The following SHROOM2 variants were observed in gnomAD, a reference collection of about 807,000 sequenced individuals.
SHROOM2 encodes the protein shroom family member 2.
In SHROOM2, 33 loss-of-function variants were observed where a neutral mutation model predicts 75.9. That is an observed-to-expected ratio of 0.43 (90% CI 0.33 to 0.58). The LOEUF is 0.58. Ranked by LOEUF, SHROOM2 falls within the 20% of genes least tolerant of loss-of-function variation. SHROOM2 has a pLI of 0.04. For missense variants in SHROOM2, 1,434 were observed against 1,461.2 expected (o/e 0.98, Z 0.30); for synonymous variants, 655 against 663.6 (o/e 0.99, Z 0.20).
intron 6 of SHROOM2, among the ~76,000 whole-genome samples, chrX:9,935,760 C>G (rs1488905041): frequency 8.9e-6 from 1 of 111,878 alleles, no homozygotes; most frequent in East Asian, 2.8e-4. Flanking sequence ...GGCTGCCCTC[C>G]TGCTGTGGAA....
intron 1 of SHROOM2, among the ~76,000 whole-genome samples, chrX:9,850,478 C>T (rs766899160): frequency 6.3e-5 from 7 of 111,218 alleles, no homozygotes; most frequent in East Asian, 5.7e-4. Context: ...AGTTGTACAG[C>T]GGGCCAGCAT....
intron 1 of SHROOM2, chrX:9,819,299 A>C (rs2083839389): frequency 3.5e-6 from 2 of 568,024 alleles, no homozygotes; most frequent in East Asian, 6.6e-5. Context: ...AATGTATCCC[A>C]CCAAAATACT....
chrX:9,930,015 A>T (rs145712946), intron 5 of SHROOM2, among the ~76,000 whole-genome samples: 1 of 111,232 alleles, frequency 9.0e-6, no homozygotes, highest in Non-Finnish European at 1.9e-5. Flanking sequence ...GCCATGTGGA[A>T]CTCTAAGTCC....
At chrX:9,787,848 T>A (rs2083623713) in intron 1 of SHROOM2, among the ~76,000 whole-genome samples, 1 of 112,321 alleles carries the variant, frequency 8.9e-6, no homozygotes, top group East Asian at 2.8e-4. Context: ...GCCATTGTTA[T>A]AAATTTGACC....
intron 1 of SHROOM2, among the ~76,000 whole-genome samples, chrX:9,797,161 C>G (rs937753153): frequency 1.7e-4 from 19 of 112,399 alleles, no homozygotes; most frequent in African/African-American, 5.8e-4. Flanking sequence ...GCCACATTTC[C>G]CAGCCTCCCT....
chrX:9,838,450 T>A (rs16985726), intron 1 of SHROOM2, among the ~76,000 whole-genome samples: 4 of 111,085 alleles, frequency 3.6e-5, no homozygotes, highest in African/African-American at 1.3e-4. Flanking sequence ...AAATGCCTGC[T>A]TGTGGGACTT....
At chrX:9,890,324 G>A (rs2095640698) in intron 2 of SHROOM2, among the ~76,000 whole-genome samples, 1 of 112,825 alleles carries the variant, frequency 8.9e-6, no homozygotes, top group Admixed American at 9.3e-5. Context: ...CCAAGATCAT[G>A]CCATTGCACT....
intron 2 of SHROOM2, among the ~76,000 whole-genome samples, chrX:9,874,192 A>G (rs187877115): frequency 6.8e-4 from 76 of 111,853 alleles, no homozygotes; most frequent in African/African-American, 2.4e-3. Context: ...ACTGTCACGA[A>G]GATGCCAGCC....
intron 5 of SHROOM2, among the ~76,000 whole-genome samples, chrX:9,929,918 T>G (rs895980229): frequency 9.0e-5 from 10 of 110,814 alleles, no homozygotes; most frequent in African/African-American, 3.3e-4. Context: ...TTATCAGGGG[T>G]TTCCGCTTTT....
chrX:9,863,086 C>T (rs2084113429), intron 1 of SHROOM2, among the ~76,000 whole-genome samples: 1 of 110,960 alleles, frequency 9.0e-6, no homozygotes, highest in Non-Finnish European at 1.9e-5. Flanking sequence ...GACTGTCACC[C>T]CTTGCCACAG....
At chrX:9,860,527 G>T (rs1165649416) in intron 1 of SHROOM2, among the ~76,000 whole-genome samples, 1 of 111,442 alleles carries the variant, frequency 9.0e-6, no homozygotes, top group Non-Finnish European at 1.9e-5. Context: ...GGGTTCAAGC[G>T]ATTCTCTTGC....
At chrX:9,903,380 C>T (rs112738890) in intron 5 of SHROOM2, among the ~76,000 whole-genome samples, 5 of 112,140 alleles carry the variant, frequency 4.5e-5, no homozygotes, top group African/African-American at 1.6e-4. Flanking sequence ...AGGGCAGAGC[C>T]CAGCATTCTG....
chrX:9,805,073 C>G (rs1326710061), intron 1 of SHROOM2, among the ~76,000 whole-genome samples: 1 of 104,111 alleles, frequency 9.6e-6, no homozygotes, highest in African/African-American at 3.5e-5. Flanking sequence ...ACCCTCATGT[C>G]TACTAAAAAA....
At chrX:9,878,211 C>T (rs981454667) in intron 2 of SHROOM2, among the ~76,000 whole-genome samples, 1 of 111,951 alleles carries the variant, frequency 8.9e-6, no homozygotes, top group African/African-American at 3.2e-5. Flanking sequence ...TTGTCACAGA[C>T]CCCACTCTGG....
At chrX:9,891,816 G>A (rs180817699) in intron 3 of SHROOM2, among the ~76,000 whole-genome samples, 307 of 110,877 alleles carry the variant, frequency 2.8e-3, no homozygotes, top group African/African-American at 9.6e-3. Context: ...ATGTGCATGT[G>A]TGTGCACATG....
intron 1 of SHROOM2, chrX:9,819,468 AT>A: frequency 3.4e-6 from 1 of 294,083 alleles, no homozygotes; most frequent in Non-Finnish European, 6.3e-6. Context: ...GTTGACAGAC[AT>A]TTTGGCTTAT....
At chrX:9,909,881 T>C (rs1322679690) in intron 5 of SHROOM2, among the ~76,000 whole-genome samples, 1 of 112,240 alleles carries the variant, frequency 8.9e-6, no homozygotes, top group Non-Finnish European at 1.9e-5. Context: ...ATCGAGGCAC[T>C]GGCAGATTCG....
At position 9,842,867 on chromosome X, in the gene SHROOM2, T is replaced by C. The variant is rs930134606; in HGVS notation, c.166-30785T>C. On this transcript the variant is annotated intron_variant, in intron 1 of 9. Coordinates refer to ENST00000380913, the MANE Select transcript of SHROOM2 (RefSeq NM_001649.4). ...GCTTGGGGTTGGGTGGGGTCTGTCT[T>C]AGGGAGAGAAGGAGGGCAGGGAGGG... Among the ~76,000 whole-genome samples, 11 of 110,984 alleles carry C rather than the reference T, an allele frequency of 9.9e-5. No individual in the cohort carries two copies. The Admixed American group carries it at 1.0e-3, about 11-fold the overall frequency.
chrX:9,804,861 T>C (rs1481552190), intron 1 of SHROOM2, among the ~76,000 whole-genome samples: 4 of 111,511 alleles, frequency 3.6e-5, no homozygotes, highest in African/African-American at 1.3e-4. Flanking sequence ...AGCTTTGCAT[T>C]ATGCCGTGAG....
Sources: gnomAD v4.1 joint callset for allele counts (sites outside exome capture counted in the v4.1 genomes callset) on GRCh38, gnomAD v4.1.1 for gene constraint, MANE v1.5 for transcripts, NCBI Gene and HGNC (gene_info 2026-07-23, HGNC 2026-07-21) for gene names.